The following DNAH7 variants were observed in gnomAD, a reference collection of about 807,000 sequenced individuals.
The protein encoded by DNAH7 is dynein axonemal heavy chain 7.
Under a neutral mutation model 444.6 loss-of-function variants are expected in DNAH7, and 397 were observed. That is an observed-to-expected ratio of 0.89 (90% CI 0.82 to 0.97). DNAH7 has a LOEUF of 0.97. Ranked by LOEUF, DNAH7 falls within the 50% of genes least tolerant of loss-of-function variation. The pLI is 0.00. For missense variants in DNAH7, 4,902 were observed against 4,800.8 expected, an observed-to-expected ratio of 1.02 and a Z score of -0.62; for synonymous variants, 1,636 against 1,624.4, an observed-to-expected ratio of 1.01 and a Z score of -0.17.
chr2:196,001,828 G>A lies in DNAH7; in HGVS notation c.1020C>T (p.Tyr340=), dbSNP rs1278010726. The A allele has an allele frequency of 6.2e-7, 1 of 1,609,502 alleles. No individual in the cohort carries two copies. Among genetic ancestry groups the A allele is most frequent in the African/African-American group, 1.3e-5 (1 of 74,692 alleles). Residue 340 remains tyrosine, a synonymous_variant, in exon 11 of 65, where the codon TAC becomes TAT. Coordinates refer to ENST00000312428, the MANE Select transcript of DNAH7 (RefSeq NM_018897.3). ...GCAATTGCTTTTTTTTATTACCTTG[G>A]TAATAAATATTCTGCACTTCTGGAA... ...MWFPEVQNIY[Y]QGNKKKQLPT...
chr2:195,953,336 G>A (rs939502815), intron 19 of DNAH7, among the ~76,000 whole-genome samples: 3 of 152,140 alleles, frequency 2.0e-5, no homozygotes, highest in Non-Finnish European at 2.9e-5. Flanking sequence ...CCCGCCAGAT[G>A]CCAGCTGGAG....
chr2:195,843,982 G>C (rs1357342841), intron 47 of DNAH7, among the ~76,000 whole-genome samples: 1 of 151,996 alleles, frequency 6.6e-6, no homozygotes, highest in Non-Finnish European at 1.5e-5. Flanking sequence ...TGTAGTCCCA[G>C]CTACTCGGGA....
At chr2:195,882,257 T>C (rs918064539) in intron 35 of DNAH7, among the ~76,000 whole-genome samples, 2 of 152,188 alleles carry the variant, frequency 1.3e-5, no homozygotes, top group African/African-American at 2.4e-5. Flanking sequence ...AACCTAATAA[T>C]CAATTATTGT....
chr2:196,021,590 TG>T (rs1446423309), intron 8 of DNAH7, among the ~76,000 whole-genome samples: 2 of 139,448 alleles, frequency 1.4e-5, no homozygotes, highest in Non-Finnish European at 3.1e-5. Context: ...GAGGCCAAGG[TG>T]GGAGGATTTC....
At position 196,000,887 on chromosome 2, in the gene DNAH7, C is replaced by T; in HGVS notation, c.1174-4G>A. 2 of 1,551,160 alleles carry T rather than the reference C, an allele frequency of 1.3e-6. No homozygotes were observed. Among genetic ancestry groups the T allele is most frequent in the Non-Finnish European group, 1.7e-6 (2 of 1,153,558 alleles). On this transcript the variant is annotated splice_region_variant and splice_polypyrimidine_tract_variant and intron_variant, in intron 11 of 64. Transcript: ENST00000312428. Reference sequence around the variant, plus strand: ...GTTCAAAAGCTCTAACAGAATCCTGCAAAAAATTAAAAAATTTACATACAT... The same window carrying T: ...GTTCAAAAGCTCTAACAGAATCCTGTAAAAAATTAAAAAATTTACATACAT...
intron 30 of DNAH7, chr2:195,894,736 A>G (rs1377980586): frequency 1.1e-5 from 3 of 283,594 alleles, no homozygotes; most frequent in Non-Finnish European, 1.9e-5. Flanking sequence ...AGAGACATGT[A>G]TTACTTTAAT....
intron 19 of DNAH7, among the ~76,000 whole-genome samples, chr2:195,946,134 G>A (rs1174845464): frequency 4.6e-5 from 7 of 152,114 alleles, no homozygotes; most frequent in Admixed American, 3.3e-4. Context: ...AGTGAAGAAG[G>A]GGCAAGAACT....
intron 2 of DNAH7, among the ~76,000 whole-genome samples, chr2:196,056,419 GAA>G (rs57708138): frequency 4.0e-4 from 46 of 115,306 alleles, no homozygotes; most frequent in African/African-American, 5.4e-4. Flanking sequence ...CACTCTGTCT[GAA>G]AAAAAAAAAA....
chr2:195,776,173 G>A (rs1053574858), intron 59 of DNAH7, among the ~76,000 whole-genome samples, 190 bp from the exon 60 acceptor site: 1 of 152,186 alleles, frequency 6.6e-6, no homozygotes, highest in Non-Finnish European at 1.5e-5. Flanking sequence ...GCTAGGCGCG[G>A]TGGCTCACGC....
intron 48 of DNAH7, among the ~76,000 whole-genome samples, chr2:195,831,453 A>C (rs992529636): frequency 6.6e-6 from 1 of 152,216 alleles, no homozygotes; most frequent in African/African-American, 2.4e-5. Context: ...AAAGCCACTG[A>C]CTCTGAAGAG....
At chr2:196,019,404 CTCA>C (rs1278307838) in intron 8 of DNAH7, 109 bp from the exon 9 acceptor site, 4 of 805,086 alleles carry the variant, frequency 5.0e-6, no homozygotes, top group South Asian at 5.2e-5. Flanking sequence ...TGCTGTATCC[CTCA>C]TCATAATAAC....
In DNAH7 at chr2:195,876,647, T is replaced by C. The variant is rs768010727; in HGVS notation, c.6014A>G (p.Asn2005Ser). The C allele has an allele frequency of 6.8e-6, 11 of 1,610,038 alleles. No individual in the cohort carries two copies. Among genetic ancestry groups the C allele is most frequent in the Non-Finnish European group, 8.5e-6 (10 of 1,176,470 alleles). The change falls in exon 37 of 65, where the codon AAC becomes AGC. Residue 2005 changes from asparagine (N) to serine (S), a missense_variant. Transcript: ENST00000312428. ...AGCTGCTGTAGTTTGTGCTGAGAAG[T>C]TAATTAGCAGAGGTTTGTAGATTTC... ...NKEIYKPLLI[N>S]FSAQTTAAQT...
chr2:195,910,339 ATC>A (rs1189665841), intron 24 of DNAH7, 144 bp from the exon 25 acceptor site: 3 of 628,564 alleles, frequency 4.8e-6, no homozygotes, highest in Non-Finnish European at 7.8e-6. Context: ...ACCTCTGAAA[ATC>A]TCTGATAGTT....
intron 40 of DNAH7, among the ~76,000 whole-genome samples, chr2:195,870,038 C>T (rs1700581692): frequency 6.6e-6 from 1 of 152,126 alleles, no homozygotes. Context: ...ACAACCTATT[C>T]CCATGATTGG....
chr2:196,030,630 G>T (rs1695992487), intron 5 of DNAH7, among the ~76,000 whole-genome samples: 1 of 152,210 alleles, frequency 6.6e-6, no homozygotes, highest in South Asian at 2.1e-4. Flanking sequence ...TACAGGTATT[G>T]GGTAAATACA....
Position 195,806,107 on chromosome 2 carries a change from ATT to A in DNAH7, c.10176+631_10176+632del, listed in dbSNP as rs11357898. Among the ~76,000 whole-genome samples, 2,936 of 149,424 alleles carry A rather than the reference ATT, an allele frequency of 0.02. 223 individuals carry two copies. The East Asian group carries it at 0.26, about 13-fold the overall frequency. ...ATTTTTTCCAACATAGCTAATGTCT[ATT>A]TTTTTTTTTTAGAGCACATTGATAT... On this transcript the variant is annotated intron_variant, in intron 54 of 64. Transcript: ENST00000312428.
Position 195,884,609 on chromosome 2 carries a change from A to T in DNAH7, c.5739T>A (p.Ile1913=), listed in dbSNP as rs1345573359. 5.6e-6 allele frequency: 9 copies of T among 1,613,838 alleles called. No individual in the cohort carries two copies. In the Admixed American group the frequency reaches 1.5e-4, roughly 27 times the overall value. The change falls in exon 35 of 65, where the codon ATT becomes ATA. Residue 1913 remains isoleucine, a synonymous_variant. Coordinates refer to ENST00000312428, the MANE Select transcript of DNAH7 (RefSeq NM_018897.3). ...LTVPFPEKGT[I]YDYQFVTEGI... is the part of the protein sequence containing the mutation. Reference sequence around the variant, plus strand: ...CCTCAGTGACAAATTGATAATCATAAATTGTTCCTTTTTCAGGAAATGGGA... The same window carrying T: ...CCTCAGTGACAAATTGATAATCATATATTGTTCCTTTTTCAGGAAATGGGA...
At chr2:195,739,682 G>T (rs1005026973) in intron 64 of DNAH7, among the ~76,000 whole-genome samples, 33 of 152,134 alleles carry the variant, frequency 2.2e-4, no homozygotes, top group African/African-American at 8.0e-4. Context: ...CTCACTATTT[G>T]TGGATTCCAC....
intron 60 of DNAH7, among the ~76,000 whole-genome samples, 190 bp from the exon 61 acceptor site, chr2:195,772,080 T>C (rs1694867359): frequency 6.6e-6 from 1 of 152,114 alleles, no homozygotes; most frequent in Non-Finnish European, 1.5e-5. Context: ...GGAAAACTAT[T>C]GTTAGAGAGG....
Sources: allele counts gnomAD v4.1 joint callset (sites outside exome capture counted in the v4.1 genomes callset), GRCh38; gene constraint gnomAD v4.1.1; transcripts MANE v1.5; gene names NCBI Gene and HGNC (gene_info 2026-07-23, HGNC 2026-07-21).